PIWIL2: variants seen among roughly 807,000 people sequenced by gnomAD.
PIWIL2 encodes piwi like RNA-mediated gene silencing 2, also known as piwi-like protein 2.
A neutral mutation model predicts 116.5 loss-of-function variants in PIWIL2; 81 were observed. The observed-to-expected ratio is 0.70, with a 90% confidence interval of 0.58 to 0.84. PIWIL2 has a LOEUF of 0.84. Among genes scored for constraint, PIWIL2 ranks in the 40% least tolerant of loss-of-function variants. The pLI is 0.00. For synonymous variants in PIWIL2, 489 were observed against 429.5 expected (o/e 1.14, Z -1.71); for missense variants, 1,272 against 1,212.3 (o/e 1.05, Z -0.73).
Position 22,351,440 on chromosome 8 carries a change from CATATATATATATATAT to C in PIWIL2, c.2404-1491_2404-1476del, listed in dbSNP as rs71544885. Among the ~76,000 whole-genome samples, 130 of 52,958 alleles carry C rather than the reference CATATATATATATATAT, an allele frequency of 2.5e-3. 4 individuals carry two copies. Among genetic ancestry groups the C allele is most frequent in the South Asian group, 6.6e-3 (5 of 752 alleles). 34.7% of individuals were successfully genotyped at this position (52,958 alleles called of 152,430 possible). The stretch of plus-strand genomic sequence containing the variant: ...ACCTGTAAGGAACAGTGCATACATA[CATATATATATATATAT>C]ATATATATATATATATATATATATA... On this transcript the variant is annotated intron_variant, in intron 20 of 22. Coordinates refer to ENST00000356766, the MANE Select transcript of PIWIL2 (RefSeq NM_018068.5).
intron 19 of PIWIL2, among the ~76,000 whole-genome samples, chr8:22,316,914 G>A (rs991843934): frequency 2.0e-5 from 3 of 151,314 alleles, no homozygotes; most frequent in Admixed American, 6.6e-5. Context: ...TCAGCCTCCC[G>A]AGTAGCTGGG....
intron 20 of PIWIL2, among the ~76,000 whole-genome samples, chr8:22,322,603 C>G (rs927003528): frequency 2.0e-5 from 3 of 151,218 alleles, no homozygotes; most frequent in African/African-American, 7.3e-5. Flanking sequence ...CCTGTCCCGT[C>G]CCATCCCATC....
At chr8:22,331,739 C>T (rs1831866286) in intron 20 of PIWIL2, among the ~76,000 whole-genome samples, 1 of 152,088 alleles carries the variant, frequency 6.6e-6, no homozygotes, top group African/African-American at 2.4e-5. Context: ...AAAGAATTGG[C>T]AGAGTCGGTT....
intron 14 of PIWIL2, among the ~76,000 whole-genome samples, chr8:22,308,672 A>T (rs1283580088): frequency 6.6e-6 from 1 of 152,152 alleles, no homozygotes; most frequent in African/African-American, 2.4e-5. Context: ...TAACTAATTT[A>T]AAAAAATAAC....
At chr8:22,292,894 G>T (rs1237225639) in intron 10 of PIWIL2, among the ~76,000 whole-genome samples, 2 of 152,154 alleles carry the variant, frequency 1.3e-5, no homozygotes, top group Non-Finnish European at 2.9e-5. Flanking sequence ...GTTTCTATTT[G>T]GTGGCATGGA....
chr8:22,323,132 A>G (rs1403463931), intron 20 of PIWIL2, among the ~76,000 whole-genome samples: 1 of 134,444 alleles, frequency 7.4e-6, no homozygotes, highest in Non-Finnish European at 1.5e-5. Context: ...TAGGGCTAGG[A>G]TAGTCTTGAT....
At chr8:22,291,780 C>T (rs935336474) in intron 10 of PIWIL2, among the ~76,000 whole-genome samples, 6 of 151,994 alleles carry the variant, frequency 3.9e-5, no homozygotes, top group African/African-American at 1.5e-4. Context: ...AGTCTTAGGA[C>T]CTATCAGATA....
intron 20 of PIWIL2, among the ~76,000 whole-genome samples, chr8:22,343,684 A>G (rs1038163833): frequency 1.2e-4 from 18 of 152,264 alleles, no homozygotes; most frequent in African/African-American, 4.3e-4. Flanking sequence ...AATTAAAACA[A>G]TCAGATACCA....
chr8:22,284,768 TGAAG>T (rs1324203534), intron 6 of PIWIL2, among the ~76,000 whole-genome samples: 3 of 151,418 alleles, frequency 2.0e-5, no homozygotes, highest in African/African-American at 4.9e-5. Context: ...GTGAGAAAAA[TGAAG>T]GAAGATAACT....
At chr8:22,352,821 C>G in intron 20 of PIWIL2, 138 bp from the exon 21 acceptor site, 1 of 823,004 alleles carries the variant, frequency 1.2e-6, no homozygotes. Context: ...TCCCTGCCCT[C>G]TAGGCACAGT....
chr8:22,327,801 A>G (rs1030064897), intron 20 of PIWIL2, among the ~76,000 whole-genome samples: 3 of 151,982 alleles, frequency 2.0e-5, no homozygotes, highest in South Asian at 4.1e-4. Context: ...AAATTGGGCT[A>G]TTTGTCGTTT....
chr8:22,293,705 A>G (rs758171525), intron 10 of PIWIL2, among the ~76,000 whole-genome samples: 4 of 152,214 alleles, frequency 2.6e-5, no homozygotes, highest in South Asian at 2.1e-4. Context: ...CTATTATACA[A>G]TTATTGAAAA....
At chr8:22,304,426 T>C (rs1176279656) in intron 11 of PIWIL2, among the ~76,000 whole-genome samples, 1 of 152,228 alleles carries the variant, frequency 6.6e-6, no homozygotes, top group Non-Finnish European at 1.5e-5. Context: ...GAAGTTACTA[T>C]ATAAATTAAG....
chr8:22,329,157 A>G (rs950074967), intron 20 of PIWIL2, among the ~76,000 whole-genome samples: 3 of 152,094 alleles, frequency 2.0e-5, no homozygotes, highest in African/African-American at 7.2e-5. Context: ...TTTGCTGAGT[A>G]TTTTTATAAT....
At chr8:22,311,054 G>C in intron 15 of PIWIL2, 58 bp from the exon 16 acceptor site, 2 of 1,369,706 alleles carry the variant, frequency 1.5e-6, no homozygotes, top group Non-Finnish European at 1.0e-6. Context: ...GAAATCTTAA[G>C]TATGAGTTTG....
chr8:22,330,465 G>A (rs914460402), intron 20 of PIWIL2, among the ~76,000 whole-genome samples: 4 of 152,018 alleles, frequency 2.6e-5, no homozygotes, highest in Admixed American at 1.3e-4. Context: ...TTGGGAGGCC[G>A]AGGCGGGTGG....
chr8:22,330,904 G>T lies in PIWIL2; in HGVS notation c.2403+12629G>T, dbSNP rs919764233. ...ACTGGAAATTTAAGCTGGGCACGAG[G>T]TGGCTCACGCCTGTAATCCCAGCAC... On this transcript the variant is annotated intron_variant, in intron 20 of 22. Transcript: ENST00000356766. 3.3e-5 allele frequency among the ~76,000 whole-genome samples: 5 copies of T among 152,046 alleles called. No individual in the cohort carries two copies. In the South Asian group the frequency reaches 1.0e-3, roughly 32 times the overall value.
intron 20 of PIWIL2, 81 bp from the exon 21 acceptor site, chr8:22,352,878 A>G (rs937525160): frequency 1.4e-6 from 2 of 1,387,736 alleles, no homozygotes; most frequent in African/African-American, 2.9e-5. Context: ...TCCAGGCTAC[A>G]CAATGCGAGT....
At chr8:22,339,630 C>G (rs777286125) in intron 20 of PIWIL2, among the ~76,000 whole-genome samples, 5 of 152,082 alleles carry the variant, frequency 3.3e-5, no homozygotes, top group Non-Finnish European at 4.4e-5. Context: ...AAGAAAAAAT[C>G]GATTTGATGA....
Sources: allele counts gnomAD v4.1 joint callset (sites outside exome capture counted in the v4.1 genomes callset), GRCh38; gene constraint gnomAD v4.1.1; transcripts MANE v1.5; gene names NCBI Gene and HGNC (gene_info 2026-07-23, HGNC 2026-07-21).